The following MEGF9 variants were observed in gnomAD, a reference collection of about 807,000 sequenced individuals.
MEGF9 encodes the protein multiple EGF like domains 9, also known as multiple epidermal growth factor-like domains protein 9.
MEGF9 carries 6 observed loss-of-function variants against 46.8 expected under a neutral mutation model. The ratio of observed to expected loss-of-function variants is 0.13; its 90% CI spans 0.07 to 0.25. MEGF9 has a LOEUF of 0.25. MEGF9 is among the 10% of genes least tolerant of loss of function. The probability of loss-of-function intolerance (pLI) is 1.00; values close to 1 mark genes in which losing one functional copy is unlikely to be tolerated. For missense variants in MEGF9, 683 were observed against 792.4 expected (o/e 0.86, Z 1.66); for synonymous variants, 302 against 330.7 (o/e 0.91, Z 0.94).
chr9:120,683,506 T>C (rs1403181412), intron 1 of MEGF9, among the ~76,000 whole-genome samples: 1 of 152,216 alleles, frequency 6.6e-6, no homozygotes, highest in African/African-American at 2.4e-5. Flanking sequence ...CAGTTTTCCC[T>C]GCTCTTGCTA....
chr9:120,707,083 T>C (rs1013547244), intron 1 of MEGF9, among the ~76,000 whole-genome samples: 5 of 152,218 alleles, frequency 3.3e-5, no homozygotes, highest in Admixed American at 6.5e-5. Flanking sequence ...TGGGCTTCTA[T>C]GGAACTCAAT....
At chr9:120,658,393 T>C (rs2043687098) in intron 2 of MEGF9, among the ~76,000 whole-genome samples, 2 of 152,244 alleles carry the variant, frequency 1.3e-5, no homozygotes, top group African/African-American at 4.8e-5. Flanking sequence ...AAGCACTTCT[T>C]TGTCAAGGAG....
intron 2 of MEGF9, among the ~76,000 whole-genome samples, chr9:120,653,146 A>C (rs1371245079): frequency 6.6e-6 from 1 of 152,184 alleles, no homozygotes; most frequent in Non-Finnish European, 1.5e-5. Flanking sequence ...GAGTTCATCC[A>C]CATCTTCTTG....
intron 1 of MEGF9, among the ~76,000 whole-genome samples, chr9:120,682,592 C>T (rs1271665237): frequency 6.6e-6 from 1 of 152,084 alleles, no homozygotes; most frequent in African/African-American, 2.4e-5. Flanking sequence ...CACACACACG[C>T]ACACACATAT....
chr9:120,706,645 G>A (rs2043930351), intron 1 of MEGF9, among the ~76,000 whole-genome samples: 1 of 152,220 alleles, frequency 6.6e-6, no homozygotes, highest in South Asian at 2.1e-4. Context: ...GACTAGCCTG[G>A]GCAACATGGC....
At position 120,622,416 on chromosome 9, in the gene MEGF9, AC is replaced by A. The variant is rs71506245; in HGVS notation, c.943+199del. ...TTCTCCTTGCCTCCATAGGTATATG[AC>A]TTTTTTTTTTTTTTTTTAATTTACG... On this transcript the variant is annotated intron_variant, in intron 3 of 5. Coordinates refer to ENST00000373930, the MANE Select transcript of MEGF9 (RefSeq NM_001080497.3). 2.6e-3 allele frequency among the ~76,000 whole-genome samples: 92 copies of A among 36,078 alleles called. 1 individual carries two copies. The East Asian group carries it at 0.032, about 13-fold the overall frequency. The allele number at this position is 36,078 out of a possible 152,430, so 23.7% of individuals were successfully genotyped here.
chr9:120,605,472 T>C lies in MEGF9; in HGVS notation c.1527A>G (p.Ser509=). 1 of 1,614,008 alleles carries C rather than the reference T, an allele frequency of 6.2e-7. No individual in the cohort carries two copies. Among genetic ancestry groups the C allele is most frequent in the Non-Finnish European group, 8.5e-7 (1 of 1,179,874 alleles). ...AAATGATGATGTTAAATTGGGTCCATGATACATCAGCTAAAGCTGAAGTGC... is the reference window on the plus strand; with the variant it reads ...AAATGATGATGTTAAATTGGGTCCACGATACATCAGCTAAAGCTGAAGTGC... The part of the protein sequence containing the change: ...ENSTSALADV[S]WTQFNIIILT... Residue 509 remains serine (S), a synonymous_variant, in exon 6 of 6, where the codon TCA becomes TCG. Coordinates refer to ENST00000373930, the MANE Select transcript of MEGF9 (RefSeq NM_001080497.3). The surrounding 1 kb of genome is among the most constrained non-coding windows in gnomAD (Gnocchi z 4.0).
In MEGF9 at chr9:120,693,717, C is replaced by T. The variant is rs141865491; in HGVS notation, c.601+20041G>A. Among the ~76,000 whole-genome samples, 625 of 152,294 alleles carry T rather than the reference C, an allele frequency of 4.1e-3. 1 individual carries two copies. Among genetic ancestry groups the T allele is most frequent in the African/African-American group, 0.014 (595 of 41,564 alleles). ...CTAGGTTGCAAAGCATTTGTAGCAACTCAATACCATTATTTGCTATTGTCT... is the reference window on the plus strand; with the variant it reads ...CTAGGTTGCAAAGCATTTGTAGCAATTCAATACCATTATTTGCTATTGTCT... On this transcript the variant is annotated intron_variant, in intron 1 of 5. Transcript: ENST00000373930.
intron 1 of MEGF9, among the ~76,000 whole-genome samples, chr9:120,678,752 G>A (rs1239909939): frequency 6.6e-6 from 1 of 152,156 alleles, no homozygotes; most frequent in East Asian, 1.9e-4. Context: ...GGGATTACAG[G>A]TGTGAGCCAC....
intron 2 of MEGF9, among the ~76,000 whole-genome samples, chr9:120,650,632 T>G (rs2043645524): frequency 6.6e-6 from 1 of 152,232 alleles, no homozygotes; most frequent in African/African-American, 2.4e-5. Context: ...GGGAAATGAA[T>G]TTTTTAAAAG....
At chr9:120,632,489 C>A (rs914601515) in intron 2 of MEGF9, among the ~76,000 whole-genome samples, 1 of 152,048 alleles carries the variant, frequency 6.6e-6, no homozygotes, top group African/African-American at 2.4e-5. Context: ...GTTCTAAGAG[C>A]TTTTTGGTGG....
Position 120,712,922 on chromosome 9 carries a change from T to C in MEGF9, c.601+836A>G, listed in dbSNP as rs2043960007. Among the ~76,000 whole-genome samples, 3 of 152,342 alleles carry C rather than the reference T, an allele frequency of 2.0e-5. No individual in the cohort carries two copies. In the South Asian group the frequency reaches 6.2e-4, roughly 32 times the overall value. On this transcript the variant is annotated intron_variant, in intron 1 of 5. Coordinates refer to ENST00000373930, the MANE Select transcript of MEGF9 (RefSeq NM_001080497.3). ...GTTGTCTTTAACTTTGCTTGAAGAC[T>C]TCAGCAAGAAAAGCCTTTTCTACGT... is the stretch of plus-strand genomic sequence containing the variant.
At chr9:120,673,115 T>A (rs901759019) in intron 1 of MEGF9, among the ~76,000 whole-genome samples, 3 of 152,224 alleles carry the variant, frequency 2.0e-5, no homozygotes, top group African/African-American at 4.8e-5. Flanking sequence ...ATGGAATTTT[T>A]AAAATTTTAA....
chr9:120,698,418 G>A (rs1189158622), intron 1 of MEGF9, among the ~76,000 whole-genome samples: 2 of 152,180 alleles, frequency 1.3e-5, no homozygotes, highest in Non-Finnish European at 2.9e-5. Flanking sequence ...ACATGACACA[G>A]GATAATTCTA....
chr9:120,666,584 T>C (rs1564423879), intron 1 of MEGF9, among the ~76,000 whole-genome samples: 1 of 152,246 alleles, frequency 6.6e-6, no homozygotes, highest in Non-Finnish European at 1.5e-5. Context: ...GAAAACAGTT[T>C]GACAGTTTCT....
intron 1 of MEGF9, among the ~76,000 whole-genome samples, chr9:120,695,313 A>C (rs760793901): frequency 2.0e-5 from 3 of 152,138 alleles, no homozygotes; most frequent in Non-Finnish European, 4.4e-5. Context: ...TTAAAAAGCA[A>C]GTAATCAAAA....
intron 1 of MEGF9, among the ~76,000 whole-genome samples, chr9:120,711,327 C>T (rs2043952118): frequency 6.6e-6 from 1 of 152,136 alleles, no homozygotes; most frequent in Non-Finnish European, 1.5e-5. Context: ...ACCCTAGATA[C>T]CGATATTTTT....
chr9:120,689,542 T>TA (rs1010522470), intron 1 of MEGF9, among the ~76,000 whole-genome samples: 3 of 151,798 alleles, frequency 2.0e-5, no homozygotes, highest in African/African-American at 7.3e-5. Flanking sequence ...AGCAGCCTGC[T>TA]AAAAAAAATC....
At chr9:120,659,267 G>C (rs1314359364) in intron 2 of MEGF9, 107 bp downstream of exon 2, 14 of 718,328 alleles carry the variant, frequency 1.9e-5, no homozygotes, top group Admixed American at 3.2e-5. Flanking sequence ...GTAAATCTAT[G>C]ACCCTCATCC....
Sources: gnomAD v4.1 joint callset for allele counts (sites outside exome capture counted in the v4.1 genomes callset) on GRCh38, gnomAD v4.1.1 for gene constraint, Gnocchi (gnomAD v3.1) non-coding constraint, MANE v1.5 for transcripts, NCBI Gene and HGNC (gene_info 2026-07-23, HGNC 2026-07-21) for gene names.